Variants in F8 observed in about 807,000 individuals in gnomAD.
F8 encodes the protein antihemophilic factor.
F8 carries 12 observed loss-of-function variants against 140.6 expected under a neutral mutation model. The ratio of observed to expected loss-of-function variants is 0.09; its 90% CI spans 0.05 to 0.14. F8 has a LOEUF of 0.14. Among genes scored for constraint, F8 ranks in the 10% least tolerant of loss-of-function variants. The probability of loss-of-function intolerance (pLI) is 1.00; values close to 1 mark genes in which losing one functional copy is unlikely to be tolerated. For synonymous variants in F8, 585 were observed against 614.6 expected (o/e 0.95, Z 0.71); for missense variants, 1,354 against 1,720.7 (o/e 0.79, Z 3.77).
intron 22 of F8, among the ~76,000 whole-genome samples, chrX:154,869,202 A>C (rs932089018): frequency 1.8e-5 from 2 of 111,922 alleles, no homozygotes; most frequent in Admixed American, 1.9e-4. Context: ...GACCTAATAG[A>C]GATCTACAGA....
At chrX:154,924,247 C>G (rs893075975) in intron 14 of F8, among the ~76,000 whole-genome samples, 4 of 111,961 alleles carry the variant, frequency 3.6e-5, no homozygotes, top group African/African-American at 9.7e-5. Flanking sequence ...GTGGAAGCGA[C>G]TTTGGAACTG....
At chrX:154,919,137 A>G (rs1332781129) in intron 14 of F8, 1 of 111,619 alleles carries the variant, frequency 9.0e-6, no homozygotes, top group Non-Finnish European at 1.9e-5. Flanking sequence ...TTTTCATGAT[A>G]CTTGTGTTAT....
chrX:154,951,608 GT>G (rs2073338119), intron 12 of F8, among the ~76,000 whole-genome samples: 1 of 111,446 alleles, frequency 9.0e-6, no homozygotes, highest in South Asian at 3.7e-4. Flanking sequence ...GTATTTCATT[GT>G]ATGAAAATAG....
At chrX:154,973,227 C>T in intron 6 of F8, among the ~76,000 whole-genome samples, 1 of 112,358 alleles carries the variant, frequency 8.9e-6, no homozygotes, top group African/African-American at 3.2e-5. Context: ...GTTTTTATGT[C>T]AACACAATGC....
Position 154,999,524 on chromosome X carries a change from T to C in F8, c.220A>G (p.Thr74Ala). ...TTAGCGATGTTGAAAAGGTGATCCG[T>C]GAATTCTACAAACAGAGTCTTTTTG... ...VYKKTLFVEF[T>A]DHLFNIAKPR... The change falls in exon 2 of 26, where the codon ACG (threonine) becomes GCG (alanine). Residue 74 changes from threonine (T) to alanine (A), a missense_variant. Thr to Ala is a moderately conservative substitution (Grantham distance 58). This residue lies in a region of F8 where 128 missense variants were observed against 230.4 expected (regional missense o/e 0.56). Coordinates refer to ENST00000360256, the MANE Select transcript of F8 (RefSeq NM_000132.4). 1 of 1,209,279 alleles carries C rather than the reference T, an allele frequency of 8.3e-7. No homozygotes were observed. Among genetic ancestry groups the C allele is most frequent in the Middle Eastern group, 2.3e-4 (1 of 4,338 alleles).
At chrX:154,880,049 C>T (rs1557274322) in intron 22 of F8, among the ~76,000 whole-genome samples, 1 of 111,868 alleles carries the variant, frequency 8.9e-6, no homozygotes, top group African/African-American at 3.3e-5. Context: ...ACTAATATAG[C>T]TGTATTAAAT....
intron 1 of F8, among the ~76,000 whole-genome samples, chrX:155,003,346 CT>C (rs2073658050): frequency 1.8e-5 from 2 of 108,222 alleles, no homozygotes; most frequent in Admixed American, 9.9e-5. Context: ...TGAGACATGG[CT>C]GAGGAAAGAA....
chrX:154,990,798 A>G (rs1251684003), intron 4 of F8, among the ~76,000 whole-genome samples: 2 of 111,839 alleles, frequency 1.8e-5, no homozygotes, highest in Non-Finnish European at 3.8e-5. Flanking sequence ...GGGGTTTAAA[A>G]CAGATCTGAC....
rs2073028538 is a variant in F8, at chrX:154,904,653, A to T, written c.5587-129T>A. 3 of 743,150 alleles carry T rather than the reference A, an allele frequency of 4.0e-6. No individual in the cohort carries two copies. The Admixed American group carries it at 7.6e-5, about 19-fold the overall frequency. 61.2% of individuals were successfully genotyped at this position (743,150 alleles called of 1,213,427 possible). A position where few individuals can be genotyped will look rare whatever the true frequency, so the allele number is the denominator to read the frequency against. On this transcript the variant is annotated intron_variant, in intron 16 of 25. Coordinates refer to ENST00000360256, the MANE Select transcript of F8 (RefSeq NM_000132.4). ...TCCAAAAATATAATCCATCCTCTTC[A>T]GTAGATTCCAGAATGACATTTCTAA...
At chrX:154,942,826 A>C (rs1318301515) in intron 13 of F8, among the ~76,000 whole-genome samples, 1 of 106,366 alleles carries the variant, frequency 9.4e-6, no homozygotes, top group Non-Finnish European at 1.9e-5. Flanking sequence ...ACCATGATCA[A>C]GTGGGCTTCA....
At chrX:154,877,548 A>C (rs1199977706) in intron 22 of F8, among the ~76,000 whole-genome samples, 1 of 110,772 alleles carries the variant, frequency 9.0e-6, no homozygotes, top group Non-Finnish European at 1.9e-5. Context: ...GCTGGAGTGC[A>C]GTGGCGCCAT....
intron 13 of F8, among the ~76,000 whole-genome samples, chrX:154,945,647 G>A (rs1429577016): frequency 8.9e-6 from 1 of 111,881 alleles, no homozygotes; most frequent in Non-Finnish European, 1.9e-5. Context: ...ACCAAATGTG[G>A]AAAACCAAAA....
Position 154,957,107 on chromosome X carries a change from C to A in F8, c.1602G>T (p.Val534=). 1 of 1,211,409 alleles carries A rather than the reference C, an allele frequency of 8.3e-7. No homozygotes were observed. The highest frequency in any genetic ancestry group is 1.1e-6 in the Non-Finnish European group (1 of 895,288). ...PGEIFKYKWT[V]TVEDGPTKSD... Reference sequence around the variant, plus strand: ...ATTTAGTTGGCCCATCTTCTACAGTCACTGTCCATTTATATTTGAATATTT... The same window carrying A: ...ATTTAGTTGGCCCATCTTCTACAGTAACTGTCCATTTATATTTGAATATTT... Residue 534 remains valine, a synonymous_variant, in exon 11 of 26, where the codon GTG becomes GTT. Transcript: ENST00000360256.
At chrX:154,873,472 C>T (rs782391030) in intron 22 of F8, among the ~76,000 whole-genome samples, 1 of 111,738 alleles carries the variant, frequency 8.9e-6, no homozygotes, top group African/African-American at 3.3e-5. Flanking sequence ...AAGTGATCCA[C>T]CCACCTCAGC....
At chrX:154,909,704 C>A (rs1426670259) in intron 14 of F8, 3 of 112,300 alleles carry the variant, frequency 2.7e-5, no homozygotes, top group Non-Finnish European at 5.6e-5. Flanking sequence ...CTGAGAGGTG[C>A]CTATCATGAT....
chrX:154,994,933 T>C (rs1557284970), intron 3 of F8, among the ~76,000 whole-genome samples: 1 of 112,318 alleles, frequency 8.9e-6, no homozygotes, highest in Non-Finnish European at 1.9e-5. Context: ...TATTACAATA[T>C]GTATCTCTAT....
intron 13 of F8, among the ~76,000 whole-genome samples, chrX:154,939,615 C>A (rs2073246261): frequency 8.9e-6 from 1 of 112,750 alleles, no homozygotes; most frequent in African/African-American, 3.2e-5. Flanking sequence ...CAAAAGACAG[C>A]AATAACCTCT....
chrX:154,978,190 G>T (rs2073497949), intron 6 of F8, among the ~76,000 whole-genome samples: 1 of 108,937 alleles, frequency 9.2e-6, no homozygotes, highest in African/African-American at 3.3e-5. Context: ...ATTTTTTTCA[G>T]AATTCTCTTG....
At chrX:154,977,237 G>A (rs1204583581) in intron 6 of F8, 1 of 111,389 alleles carries the variant, frequency 9.0e-6, no homozygotes, top group African/African-American at 3.3e-5. Context: ...TTCTTTAACA[G>A]GTTATGGTAA....
Sources: gnomAD v4.1 joint callset for allele counts (sites outside exome capture counted in the v4.1 genomes callset) on GRCh38, gnomAD v4.1.1 for gene constraint, gnomAD v4.1.1 regional missense constraint, MANE v1.5 for transcripts, NCBI Gene and HGNC (gene_info 2026-07-23, HGNC 2026-07-21) for gene names.